Variants in DNAH9 observed in about 807,000 individuals in gnomAD.
DNAH9 encodes the protein dynein axonemal heavy chain 9.
A neutral mutation model predicts 471.6 loss-of-function variants in DNAH9; 345 were observed. The observed-to-expected ratio is 0.73, with a 90% CI of 0.67 to 0.80. The LOEUF is 0.80. Among genes scored for constraint, DNAH9 ranks in the 30% least tolerant of loss-of-function variants. The pLI is 0.00. For missense variants in DNAH9, 5,407 were observed against 5,609.2 expected (o/e 0.96, Z 1.15); for synonymous variants, 2,093 against 2,123.6 (o/e 0.99, Z 0.40).
intron 14 of DNAH9, among the ~76,000 whole-genome samples, chr17:11,654,157 C>A (rs1422848426): frequency 1.4e-5 from 1 of 70,028 alleles, no homozygotes; most frequent in African/African-American, 5.0e-5. Flanking sequence ...AGATCGAGAC[C>A]ATCCTGGCTA....
chr17:11,655,632 C>T (rs1277989459), intron 14 of DNAH9, among the ~76,000 whole-genome samples: 1 of 120,888 alleles, frequency 8.3e-6, no homozygotes, highest in Admixed American at 8.7e-5. Context: ...CACACACACA[C>T]CATGTATATA....
intron 41 of DNAH9, among the ~76,000 whole-genome samples, chr17:11,785,105 CGT>C (rs1473806957): frequency 6.6e-6 from 1 of 152,002 alleles, no homozygotes; most frequent in African/African-American, 2.4e-5. Flanking sequence ...ATAGTGATGG[CGT>C]ATCTCTGCCT....
intron 19 of DNAH9, among the ~76,000 whole-genome samples, chr17:11,689,101 A>T (rs1365175842): frequency 2.0e-5 from 3 of 151,576 alleles, no homozygotes; most frequent in African/African-American, 7.3e-5. Flanking sequence ...TCTCAAAAAA[A>T]AAATAAAAAT....
chr17:11,877,539 A>T (rs974117110), intron 53 of DNAH9, among the ~76,000 whole-genome samples: 24 of 148,768 alleles, frequency 1.6e-4, no homozygotes, highest in African/African-American at 5.3e-4. Flanking sequence ...GGTCATCCTC[A>T]CTTAGAAACC....
intron 29 of DNAH9, among the ~76,000 whole-genome samples, chr17:11,741,065 A>C (rs897139783): frequency 1.3e-5 from 2 of 152,154 alleles, no homozygotes; most frequent in African/African-American, 4.8e-5. Flanking sequence ...ATATTTACCC[A>C]TATGTTCAGG....
intron 66 of DNAH9, among the ~76,000 whole-genome samples, chr17:11,939,666 C>T (rs1333605611): frequency 1.3e-5 from 2 of 152,070 alleles, no homozygotes; most frequent in Non-Finnish European, 2.9e-5. Flanking sequence ...AGTAAATGAC[C>T]GAGAGGTTGT....
At chr17:11,734,605 G>A (rs544463761) in intron 28 of DNAH9, among the ~76,000 whole-genome samples, 1 of 152,192 alleles carries the variant, frequency 6.6e-6, no homozygotes, top group African/African-American at 2.4e-5. Context: ...GCCCGGTGGG[G>A]CAGAAGGAAG....
intron 68 of DNAH9, among the ~76,000 whole-genome samples, chr17:11,963,672 A>G (rs770010489): frequency 2.6e-5 from 4 of 152,178 alleles, no homozygotes; most frequent in Non-Finnish European, 5.9e-5. Context: ...TTTTTTAAAA[A>G]AAAGAAACTA....
At chr17:11,751,241 A>T (rs1967136896) in intron 32 of DNAH9, among the ~76,000 whole-genome samples, 1 of 151,988 alleles carries the variant, frequency 6.6e-6, no homozygotes, top group African/African-American at 2.4e-5. Context: ...TAATTTCAAA[A>T]TCATGAAAAG....
At chr17:11,735,787 TAACA>T (rs1293132611) in intron 28 of DNAH9, among the ~76,000 whole-genome samples, 10 of 152,198 alleles carry the variant, frequency 6.6e-5, no homozygotes, top group Admixed American at 6.5e-4. Context: ...CTCTAAATTA[TAACA>T]AACATGATAG....
chr17:11,900,196 C>T (rs1020711282), intron 59 of DNAH9, among the ~76,000 whole-genome samples: 2 of 152,014 alleles, frequency 1.3e-5, no homozygotes, highest in Admixed American at 6.6e-5. Flanking sequence ...CCGGTGCCTC[C>T]TGCTCCACTC....
rs777605036 is a variant in DNAH9 at position 11,744,884 on chromosome 17, G to A, written c.6199G>A (p.Asp2067Asn). 1 of 1,614,196 alleles carries A rather than the reference G, an allele frequency of 6.2e-7. No homozygotes were observed. Among genetic ancestry groups the A allele is most frequent in the Non-Finnish European group, 8.5e-7 (1 of 1,180,024 alleles). ...LKRGDPDRPE[D>N]QVLMRSLRDF... ...GAGAGGAGACCCTGACCGGCCTGAGGACCAGGTCCTGATGCGCTCCTTGCG... is the reference window on the plus strand; with the variant it reads ...GAGAGGAGACCCTGACCGGCCTGAGAACCAGGTCCTGATGCGCTCCTTGCG... Residue 2067 changes from aspartate to asparagine, a missense_variant, in exon 31 of 69, where the codon GAC becomes AAC. Physicochemically the swap from Asp to Asn is conservative, Grantham distance 23 (BLOSUM62 1). This residue lies in a region of DNAH9 where 4,636 missense variants were observed against 4,900.3 expected (regional missense o/e 0.95). Coordinates refer to ENST00000262442, the MANE Select transcript of DNAH9 (RefSeq NM_001372.4).
intron 67 of DNAH9, among the ~76,000 whole-genome samples, chr17:11,959,707 T>C (rs2151449797): frequency 6.6e-6 from 1 of 152,346 alleles, no homozygotes; most frequent in Middle Eastern, 3.4e-3. Flanking sequence ...TGGTGGCACA[T>C]ACAGGGCTCT....
chr17:11,665,886 C>T (rs1369305195), intron 15 of DNAH9, among the ~76,000 whole-genome samples: 2 of 152,202 alleles, frequency 1.3e-5, no homozygotes, highest in Non-Finnish European at 2.9e-5. Context: ...AAAGAGACTA[C>T]ATGCAGACAC....
At chr17:11,639,176 A>T (rs1191644415) in intron 9 of DNAH9, among the ~76,000 whole-genome samples, 1 of 152,146 alleles carries the variant, frequency 6.6e-6, no homozygotes, top group Non-Finnish European at 1.5e-5. Context: ...AGGGGAGAGG[A>T]TTATGCAAGG....
chr17:11,888,504 G>A (rs1972953291), intron 57 of DNAH9, among the ~76,000 whole-genome samples: 1 of 152,058 alleles, frequency 6.6e-6, no homozygotes, highest in African/African-American at 2.4e-5. Flanking sequence ...AATTAAATGA[G>A]GCCCATGACA....
rs777231005 is a variant in DNAH9 at position 11,769,173 on chromosome 17, C to T, written c.7396C>T (p.Arg2466Trp). The T allele has an allele frequency of 1.1e-5, 17 of 1,614,090 alleles. No homozygotes were observed. Among genetic ancestry groups the T allele is most frequent in the East Asian group, 2.2e-5 (1 of 44,888 alleles). ...CATCCGTGTGTGCTACTTCATGGAGCGGTTGATGGCGCGGCAGCGGCCTGT... is the reference window on the plus strand; with the variant it reads ...CATCCGTGTGTGCTACTTCATGGAGTGGTTGATGGCGCGGCAGCGGCCTGT... ...ETIRVCYFME[R>W]LMARQRPVML... is the part of the protein sequence containing the mutation. Residue 2466 changes from arginine to tryptophan, a missense_variant, in exon 38 of 69, where the codon CGG (arginine) becomes TGG (tryptophan). Physicochemically the swap from Arg to Trp is moderately radical, Grantham distance 101. Coordinates refer to ENST00000262442, the MANE Select transcript of DNAH9 (RefSeq NM_001372.4).
Position 11,598,557 on chromosome 17 carries a change from G to C in DNAH9, c.59G>C (p.Gly20Ala). 7.1e-7 allele frequency: 1 copy of C among 1,408,488 alleles called. No homozygotes were observed. The highest frequency in any genetic ancestry group is 9.2e-7 in the Non-Finnish European group (1 of 1,089,292). The allele number at this position is 1,408,488 out of a possible 1,614,324, so 87.2% of individuals were successfully genotyped here. Residue 20 changes from glycine to alanine, a missense_variant, in exon 1 of 69, where the codon GGC (glycine) becomes GCC (alanine). This residue lies in a region of DNAH9 where 767 missense variants were observed against 692.5 expected (regional missense o/e 1.11). Coordinates refer to ENST00000262442, the MANE Select transcript of DNAH9 (RefSeq NM_001372.4). Reference protein sequence around the residue: ...LAAENADGEPGADRRLRLLGT... With the variant: ...LAAENADGEPAADRRLRLLGT... ...GCGGAGAACGCGGATGGGGAACCCG[G>C]CGCCGACCGACGACTGCGACTCCTG...
At chr17:11,792,077 T>G (rs1270104663) in intron 41 of DNAH9, among the ~76,000 whole-genome samples, 1 of 151,032 alleles carries the variant, frequency 6.6e-6, no homozygotes, top group African/African-American at 2.4e-5. Flanking sequence ...AGGTTGGGAG[T>G]TCAAGACCAG....
Sources: allele counts gnomAD v4.1 joint callset (sites outside exome capture counted in the v4.1 genomes callset), GRCh38; gene constraint gnomAD v4.1.1; regional missense constraint gnomAD v4.1.1; transcripts MANE v1.5; gene names NCBI Gene and HGNC (gene_info 2026-07-23, HGNC 2026-07-21).